Variants in TENM2 observed in about 807,000 individuals in gnomAD.
The protein encoded by TENM2 is teneurin-2.
TENM2 carries 52 observed loss-of-function variants against 245.2 expected under a neutral mutation model. The observed-to-expected ratio is 0.21, with a 90% CI of 0.17 to 0.27. The LOEUF (loss-of-function observed/expected upper bound fraction) is 0.27. Among genes scored for constraint, TENM2 ranks in the 10% least tolerant of loss-of-function variants. The pLI is 1.00. For synonymous variants in TENM2, 1,363 were observed against 1,438.9 expected, an observed-to-expected ratio of 0.95 and a Z score of 1.19; for missense variants, 3,046 against 3,666.8, an observed-to-expected ratio of 0.83 and a Z score of 4.37.
chr5:167,609,091 T>G (rs898644456), intron 2 of TENM2, among the ~76,000 whole-genome samples: 2 of 152,102 alleles, frequency 1.3e-5, no homozygotes, highest in Non-Finnish European at 2.9e-5. Flanking sequence ...AAAGAATAGG[T>G]TTTTTTCTTG....
chr5:167,259,799 T>C, the TENM2 span, among the ~76,000 whole-genome samples: 1 of 152,176 alleles, frequency 6.6e-6, no homozygotes, highest in Non-Finnish European at 1.5e-5. Flanking sequence ...AATAGTCTTA[T>C]TGCTTCTCAT....
chr5:168,171,977 G>A (rs1000320601), intron 13 of TENM2, among the ~76,000 whole-genome samples: 1 of 152,202 alleles, frequency 6.6e-6, no homozygotes, highest in Non-Finnish European at 1.5e-5. Context: ...AAGAGGCAAG[G>A]TCCTCGTGCC....
At chr5:167,586,177 A>C (rs76973445) in intron 2 of TENM2, among the ~76,000 whole-genome samples, 1 of 78,342 alleles carries the variant, frequency 1.3e-5, no homozygotes, top group Non-Finnish European at 2.8e-5. Context: ...AAATAAAAAA[A>C]CAGGTGATAT....
At chr5:167,773,738 T>A (rs182520809) in intron 2 of TENM2, among the ~76,000 whole-genome samples, 5 of 152,094 alleles carry the variant, frequency 3.3e-5, no homozygotes, top group African/African-American at 1.2e-4. Context: ...ATTTTTTTTT[T>A]AAATGAAGCC....
At chr5:167,489,070 C>T (rs980798785) in intron 2 of TENM2, among the ~76,000 whole-genome samples, 1 of 152,232 alleles carries the variant, frequency 6.6e-6, no homozygotes, top group Non-Finnish European at 1.5e-5. Flanking sequence ...ACCACCATCA[C>T]TCCCCCTGGG....
rs10581183 is a variant in TENM2 at position 167,550,699 on chromosome 5, A to AGT, written c.502+175276_502+175277dup. Among the ~76,000 whole-genome samples, 1,109 of 114,118 alleles carry AGT rather than the reference A, an allele frequency of 9.7e-3. 30 individuals carry two copies. Among genetic ancestry groups the AGT allele is most frequent in the Non-Finnish European group, 0.012 (680 of 56,288 alleles). The allele number at this position is 114,118 out of a possible 152,430, so 74.9% of individuals were successfully genotyped here. ...AATTACCTTTTTTTTTGTTGTTGTT[A>AGT]GTGTGTGTGTGTGTGTGTGTGTGTG... On this transcript the variant is annotated intron_variant, in intron 2 of 28. Transcript: ENST00000518659.
the TENM2 span, among the ~76,000 whole-genome samples, chr5:167,059,282 A>G: frequency 1.3e-5 from 2 of 152,226 alleles, no homozygotes; most frequent in African/African-American, 4.8e-5. Flanking sequence ...TGATTTTAGA[A>G]GCTCCCATTT....
chr5:167,794,117 A>G (rs1009659160), intron 2 of TENM2, among the ~76,000 whole-genome samples: 1 of 152,132 alleles, frequency 6.6e-6, no homozygotes, highest in African/African-American at 2.4e-5. Flanking sequence ...CACCTATTCA[A>G]TTGAAGAATA....
intron 11 of TENM2, 29 bp from the exon 14 acceptor site, chr5:168,126,725 T>C: frequency 6.4e-7 from 1 of 1,572,136 alleles, no homozygotes; most frequent in East Asian, 2.3e-5. Flanking sequence ...AGCTGTGGTG[T>C]TGAGCTGTAA....
intron 2 of TENM2, among the ~76,000 whole-genome samples, chr5:167,688,304 C>T (rs1447343871): frequency 6.6e-6 from 1 of 152,000 alleles, no homozygotes; most frequent in Non-Finnish European, 1.5e-5. Context: ...GTGAACTTTC[C>T]CCCCATGTTT....
In TENM2 at chr5:167,640,887, A is replaced by ATC. The variant is rs1561629089; in HGVS notation, c.503-235098_503-235097insCT. Among the ~76,000 whole-genome samples, 30 of 68,924 alleles carry ATC rather than the reference A, an allele frequency of 4.4e-4. 1 individual carries two copies. Among genetic ancestry groups the ATC allele is most frequent in the African/African-American group, 2.9e-3 (30 of 10,176 alleles). The allele number at this position is 68,924 out of a possible 152,430, so 45.2% of individuals were successfully genotyped here. On this transcript the variant is annotated intron_variant, in intron 2 of 28. Coordinates refer to ENST00000518659, the Ensembl canonical transcript of TENM2. ...TATATATATATATATATATATATAT[A>ATC]TATATATATATATATATATCTTTCT...
intron 2 of TENM2, among the ~76,000 whole-genome samples, chr5:167,621,864 A>G (rs1778198130): frequency 6.6e-6 from 1 of 152,174 alleles, no homozygotes; most frequent in Non-Finnish European, 1.5e-5. Context: ...AATTTCTGAG[A>G]GTAGAGTTGT....
intron 2 of TENM2, among the ~76,000 whole-genome samples, chr5:167,385,526 A>C (rs1581904838): frequency 7.0e-6 from 1 of 142,288 alleles, no homozygotes. Flanking sequence ...TTACTTCCAT[A>C]GGTTATTGGA....
the TENM2 span, among the ~76,000 whole-genome samples, chr5:167,250,092 T>C: frequency 6.6e-6 from 1 of 152,280 alleles, no homozygotes; most frequent in Admixed American, 6.5e-5. Context: ...CCATTAGCAC[T>C]TGCAATATGG....
At position 167,782,313 on chromosome 5, in the gene TENM2, C is replaced by CAAAA. The variant is rs767675565; in HGVS notation, c.503-93650_503-93647dup. ...GGGCAACAAGAGCAAAACTCTGTCT[C>CAAAA]AAAAAAAAAAAAAAAAAAAAAAAAA... On this transcript the variant is annotated intron_variant, in intron 2 of 28. Transcript: ENST00000518659. Among the ~76,000 whole-genome samples the CAAAA allele has an allele frequency of 8.3e-3, 487 of 58,724 alleles. 14 individuals are homozygous for CAAAA. Among genetic ancestry groups the CAAAA allele is most frequent in the Admixed American group, 0.057 (308 of 5,418 alleles). 38.5% of individuals were successfully genotyped at this position (58,724 alleles called of 152,430 possible).
chr5:167,344,974 A>G (rs1304115595), intron 1 of TENM2, among the ~76,000 whole-genome samples: 1 of 152,176 alleles, frequency 6.6e-6, no homozygotes, highest in Non-Finnish European at 1.5e-5. Context: ...CAGAAAGAGA[A>G]GGAAAGGAAG....
intron 2 of TENM2, among the ~76,000 whole-genome samples, chr5:167,820,240 A>G (rs987010062): frequency 6.6e-6 from 1 of 152,152 alleles, no homozygotes; most frequent in African/African-American, 2.4e-5. Context: ...GAATCAGGGA[A>G]GAGAGGGGGA....
At chr5:167,460,877 A>G (rs1766253863) in intron 2 of TENM2, among the ~76,000 whole-genome samples, 1 of 152,152 alleles carries the variant, frequency 6.6e-6, no homozygotes. Context: ...TAAGGATTGT[A>G]TGATTGGTGC....
the TENM2 span, among the ~76,000 whole-genome samples, chr5:167,151,526 T>G: frequency 2.6e-5 from 4 of 152,202 alleles, no homozygotes; most frequent in Admixed American, 2.6e-4. Flanking sequence ...TTCTTTTTTT[T>G]GTTTTCTTTT....
Sources: allele counts gnomAD v4.1 joint callset (sites outside exome capture counted in the v4.1 genomes callset), GRCh38; gene constraint gnomAD v4.1.1; transcripts MANE v1.5; gene names NCBI Gene and HGNC (gene_info 2026-07-23, HGNC 2026-07-21).